Variants in TCF4 observed in about 807,000 individuals in gnomAD.
The protein encoded by TCF4 is SL3-3 enhancer factor 2.
A neutral mutation model predicts 82.1 loss-of-function variants in TCF4; 3 were observed. That is an observed-to-expected ratio of 0.04 (90% confidence interval 0.02 to 0.09). The LOEUF (loss-of-function observed/expected upper bound fraction) is 0.09. Among genes scored for constraint, TCF4 ranks in the 10% least tolerant of loss-of-function variants. The probability of loss-of-function intolerance (pLI) is 1.00; values close to 1 mark genes in which losing one functional copy is unlikely to be tolerated. For missense variants in TCF4, 518 were observed against 852.7 expected (o/e 0.61, Z 4.89); for synonymous variants, 276 against 309.6 (o/e 0.89, Z 1.14).
chr18:55,334,217 G>A (rs544615669), intron 8 of TCF4, among the ~76,000 whole-genome samples: 6 of 152,012 alleles, frequency 3.9e-5, no homozygotes, highest in African/African-American at 1.4e-4. Flanking sequence ...AAGAAACACA[G>A]TTTTATTTAG....
intron 2 of TCF4, among the ~76,000 whole-genome samples, chr18:55,601,384 G>C (rs918902494): frequency 6.6e-5 from 10 of 151,988 alleles, no homozygotes; most frequent in South Asian, 4.2e-4. Flanking sequence ...GGGAGAGGTG[G>C]CCTTTGAAGG....
At position 55,254,673 on chromosome 18, in the gene TCF4, T is replaced by G. The variant is rs1555764741; in HGVS notation, c.1174A>C (p.Arg392=). The G allele has an allele frequency of 2.5e-6, 4 of 1,612,672 alleles. No homozygotes were observed. The Admixed American group carries it at 6.7e-5, about 27-fold the overall frequency. Residue 392 remains arginine (R), a synonymous_variant, in exon 15 of 20, where the codon AGA becomes CGA. Transcript: ENST00000354452. ...LQSRIEDRLE[R]LDDAIHVLRN... ...AGAACATGAATAGCATCATCCAGTC[T>G]TTCTAAACGATCTTCAATTCGGCTT...
intron 6 of TCF4, among the ~76,000 whole-genome samples, chr18:55,363,999 T>C (rs1341978478): frequency 6.6e-6 from 1 of 152,128 alleles, no homozygotes; most frequent in Non-Finnish European, 1.5e-5. Context: ...AGGAATGAAT[T>C]TGAAATTTGG....
chr18:55,599,682 C>T (rs1196329099), intron 2 of TCF4, among the ~76,000 whole-genome samples: 3 of 152,212 alleles, frequency 2.0e-5, no homozygotes, highest in African/African-American at 7.2e-5. Flanking sequence ...GATCGTGCCA[C>T]TGCACTCCAG....
rs2065758992 is a variant in TCF4, at chr18:55,293,930, ACTTTTTTTT to A, written c.550-14283_550-14275del. On this transcript the variant is annotated intron_variant, in intron 8 of 19. Transcript: ENST00000354452. ...ATTTCATCTTCTAAACTTTCCAAGG[ACTTTTTTTT>A]TTTTTTTTTTTTTTTTTTTTTTTTA... Among the ~76,000 whole-genome samples, 3 of 22,666 alleles carry A rather than the reference ACTTTTTTTT, an allele frequency of 1.3e-4. 1 individual carries two copies. The highest frequency in any genetic ancestry group is 3.2e-4 in the African/African-American group (3 of 9,322). The allele number at this position is 22,666 out of a possible 152,430, so 14.9% of individuals were successfully genotyped here.
chr18:55,350,906 G>A lies in TCF4; in HGVS notation c.467C>T (p.Pro156Leu). ...SQYYQYSSNN[P>L]RRRPLHSSAM... Reference sequence around the variant, plus strand: ...ACTACTGTGAAGAGGCCTCCTTCGGGGATTATTGCTAGAATACTGATAGTA... The same window carrying A: ...ACTACTGTGAAGAGGCCTCCTTCGGAGATTATTGCTAGAATACTGATAGTA... Residue 156 changes from proline (P) to leucine (L), a missense_variant, in exon 7 of 20, where the codon CCC becomes CTC. Pro to Leu is a moderately conservative substitution (Grantham distance 98, BLOSUM62 -3). Coordinates refer to ENST00000354452, the MANE Select transcript of TCF4 (RefSeq NM_001083962.2). 1 of 1,613,556 alleles carries A rather than the reference G, an allele frequency of 6.2e-7. No individual in the cohort carries two copies. Among genetic ancestry groups the A allele is most frequent in the Non-Finnish European group, 8.5e-7 (1 of 1,179,588 alleles).
intron 8 of TCF4, among the ~76,000 whole-genome samples, chr18:55,293,704 C>T (rs1327564371): frequency 6.6e-6 from 1 of 152,092 alleles, no homozygotes; most frequent in East Asian, 1.9e-4. Context: ...TAGAGCATGT[C>T]CAGTGCCTGA....
At chr18:55,590,170 C>G (rs766001942), upstream of TCF4, among the ~76,000 whole-genome samples, 8 of 152,244 alleles carry the variant, frequency 5.3e-5, no homozygotes, top group Non-Finnish European at 1.2e-4. Context: ...ACCCCCAGGT[C>G]TCCCTGAGGA....
At chr18:55,622,853 A>G (rs1736682141) in intron 2 of TCF4, among the ~76,000 whole-genome samples, 1 of 149,654 alleles carries the variant, frequency 6.7e-6, no homozygotes, top group African/African-American at 2.5e-5. Context: ...AGAGTTCTCT[A>G]TCAGATTTAA....
At chr18:55,439,470 A>G (rs1360858294) in intron 5 of TCF4, among the ~76,000 whole-genome samples, 1 of 152,292 alleles carries the variant, frequency 6.6e-6, no homozygotes, top group East Asian at 1.9e-4. Flanking sequence ...TGAGTGAGGA[A>G]GAAGTGACTT....
At chr18:55,597,165 T>C (rs544900688) in intron 2 of TCF4, among the ~76,000 whole-genome samples, 1 of 152,190 alleles carries the variant, frequency 6.6e-6, no homozygotes, top group Non-Finnish European at 1.5e-5. Context: ...TGTGGAACTG[T>C]GAGTCAATTA....
chr18:55,511,626 T>C (rs1044092498), intron 3 of TCF4, among the ~76,000 whole-genome samples: 5 of 152,150 alleles, frequency 3.3e-5, no homozygotes, highest in Non-Finnish European at 5.9e-5. Context: ...AATTTTTATC[T>C]AAATAAATAT....
intron 15 of TCF4, among the ~76,000 whole-genome samples, chr18:55,251,692 A>T (rs1298080664): frequency 1.3e-5 from 2 of 152,196 alleles, no homozygotes; most frequent in African/African-American, 2.4e-5. Context: ...GACTGGGATG[A>T]GTATCAAGTT....
intron 3 of TCF4, among the ~76,000 whole-genome samples, chr18:55,510,938 A>G (rs1490752646): frequency 6.6e-6 from 1 of 152,210 alleles, no homozygotes; most frequent in Non-Finnish European, 1.5e-5. Flanking sequence ...GTCTCAGGAC[A>G]GCCTTGTTCA....
chr18:55,275,569 G>T, intron 10 of TCF4, 50 bp downstream of exon 10: 1 of 1,612,870 alleles, frequency 6.2e-7, no homozygotes, highest in Non-Finnish European at 8.5e-7. Context: ...AGAGGACGAG[G>T]TTTAATCAAC....
At chr18:55,605,628 C>T (rs2097701529) in intron 2 of TCF4, among the ~76,000 whole-genome samples, 1 of 152,184 alleles carries the variant, frequency 6.6e-6, no homozygotes, top group South Asian at 2.1e-4. Context: ...AAAAGACGGA[C>T]TTGCATTAGT....
At chr18:55,593,262 T>TA (rs548537648), upstream of TCF4, among the ~76,000 whole-genome samples, 230 of 146,706 alleles carry the variant, frequency 1.6e-3, no homozygotes, top group African/African-American at 4.2e-3. Context: ...ATGTCAGATG[T>TA]AAAAAAAAAA....
At chr18:55,411,038 C>T (rs538976944) in intron 5 of TCF4, among the ~76,000 whole-genome samples, 21 of 152,178 alleles carry the variant, frequency 1.4e-4, no homozygotes, top group Middle Eastern at 6.8e-3. Context: ...ATTTTCCGAA[C>T]GCAGGAAAAT....
At chr18:55,328,631 G>T (rs2076986219) in intron 8 of TCF4, among the ~76,000 whole-genome samples, 2 of 152,080 alleles carry the variant, frequency 1.3e-5, no homozygotes, top group South Asian at 4.1e-4. Flanking sequence ...CCTCAAAATG[G>T]TACACGTGTA....
Sources: allele counts gnomAD v4.1 joint callset (sites outside exome capture counted in the v4.1 genomes callset), GRCh38; gene constraint gnomAD v4.1.1; transcripts MANE v1.5; gene names NCBI Gene and HGNC (gene_info 2026-07-23, HGNC 2026-07-21).